Variants in SCML4 observed in about 807,000 individuals in gnomAD.
SCML4 encodes the protein Scm polycomb group protein like 4, also known as sex comb on midleg-like protein 4.
Under a neutral mutation model 41.1 loss-of-function variants are expected in SCML4, and 34 were observed. The ratio of observed to expected loss-of-function variants is 0.83; its 90% CI spans 0.63 to 1.10. SCML4 has a LOEUF of 1.10. SCML4 is among the 50% of genes least tolerant of loss of function. The pLI is 0.00. For synonymous variants in SCML4, 214 were observed against 220.9 expected (o/e 0.97, Z 0.28); for missense variants, 522 against 534.1 (o/e 0.98, Z 0.22).
chr6:107,761,505 C>T (rs1393287352), intron 2 of SCML4, among the ~76,000 whole-genome samples: 3 of 151,536 alleles, frequency 2.0e-5, no homozygotes, highest in East Asian at 1.9e-4. Flanking sequence ...GGCGCAATCT[C>T]GGCTTACTGC....
At chr6:107,733,272 G>A (rs1038822396) in intron 5 of SCML4, among the ~76,000 whole-genome samples, 6 of 152,182 alleles carry the variant, frequency 3.9e-5, no homozygotes, top group African/African-American at 1.4e-4. Flanking sequence ...AAGAAAGGAA[G>A]CCGTTTCATT....
chr6:107,826,970 G>A (rs1005667643), upstream of SCML4, among the ~76,000 whole-genome samples: 7 of 152,034 alleles, frequency 4.6e-5, no homozygotes, highest in Non-Finnish European at 1.0e-4. Context: ...GGCTGAGGCA[G>A]GAGAATGGTG....
At chr6:107,831,763 G>A in the SCML4 span, among the ~76,000 whole-genome samples, 42 of 152,010 alleles carry the variant, frequency 2.8e-4, no homozygotes, top group Non-Finnish European at 4.7e-4. Context: ...ACTAAAAATA[G>A]AAAAATTAGT....
intron 5 of SCML4, among the ~76,000 whole-genome samples, chr6:107,721,747 G>A (rs1775441329): frequency 6.6e-6 from 1 of 152,086 alleles, no homozygotes; most frequent in Admixed American, 6.5e-5. Context: ...TGGCCCAGGT[G>A]CCACAGTGCT....
chr6:107,831,411 C>CAAA, the SCML4 span, among the ~76,000 whole-genome samples: 145 of 107,320 alleles, frequency 1.4e-3, 2 homozygotes, highest in East Asian at 3.3e-3. Flanking sequence ...TTTTCATTCT[C>CAAA]AAAAAAAAAA....
At position 107,772,248 on chromosome 6, in the gene SCML4, T is replaced by C. The variant is rs1461019609; in HGVS notation, c.80A>G (p.Asn27Ser). ...AGAGCCAGCTGAAGCAGAATAAAGG[T>C]TATGAACTGCCATCTTCATAGGCGT... ...HSTPMKMAVH[N>S]LYSASAGSLP... Residue 27 changes from asparagine to serine, a missense_variant, in exon 2 of 8, where the codon AAC becomes AGC. Transcript: ENST00000369020. 1.9e-6 allele frequency: 3 copies of C among 1,551,570 alleles called. No homozygotes were observed. The highest frequency in any genetic ancestry group is 1.7e-4 in the Middle Eastern group (1 of 6,006).
chr6:107,788,472 T>C (rs147115258), intron 1 of SCML4, among the ~76,000 whole-genome samples: 1 of 152,380 alleles, frequency 6.6e-6, no homozygotes, highest in African/African-American at 2.4e-5. Context: ...AGAAACTCTA[T>C]TTCCAACCAT....
chr6:107,806,548 T>C (rs1421621907), intron 1 of SCML4, among the ~76,000 whole-genome samples: 1 of 152,226 alleles, frequency 6.6e-6, no homozygotes, highest in Non-Finnish European at 1.5e-5. Flanking sequence ...TCCTTAATGC[T>C]GGCCTCTGGT....
chr6:107,776,002 T>C (rs1780913254), intron 1 of SCML4, among the ~76,000 whole-genome samples: 1 of 151,972 alleles, frequency 6.6e-6, no homozygotes, highest in African/African-American at 2.4e-5. Context: ...TTTTTAGAAA[T>C]TCCCAACACT....
At chr6:107,839,364 AGAAGG>A in the SCML4 span, among the ~76,000 whole-genome samples, 1 of 60,102 alleles carries the variant, frequency 1.7e-5, no homozygotes, top group South Asian at 5.3e-4. Context: ...AAAGAAAGAA[AGAAGG>A]AAAGAAAGAA....
chr6:107,810,884 T>C (rs1427525115), intron 1 of SCML4, among the ~76,000 whole-genome samples: 1 of 152,084 alleles, frequency 6.6e-6, no homozygotes, highest in Non-Finnish European at 1.5e-5. Flanking sequence ...CAAGCAATCA[T>C]CCCACCTCAT....
At chr6:107,766,332 T>C (rs1780035927) in intron 2 of SCML4, among the ~76,000 whole-genome samples, 1 of 142,812 alleles carries the variant, frequency 7.0e-6, no homozygotes, top group Non-Finnish European at 1.5e-5. Context: ...ATTGCGCCAC[T>C]ACAGTCCAGC....
intron 2 of SCML4, among the ~76,000 whole-genome samples, chr6:107,757,014 C>G (rs1320272899): frequency 1.3e-5 from 2 of 152,178 alleles, no homozygotes; most frequent in Non-Finnish European, 2.9e-5. Flanking sequence ...GTGTGGCGAC[C>G]CCTCATCCAA....
At chr6:107,726,363 C>T (rs1775970796) in intron 5 of SCML4, among the ~76,000 whole-genome samples, 1 of 151,534 alleles carries the variant, frequency 6.6e-6, no homozygotes, top group Non-Finnish European at 1.5e-5. Context: ...GAAACCCCAT[C>T]TCTACTAAAA....
rs1020177951 is a variant in SCML4 at position 107,717,316 on chromosome 6, C to T, written c.973+3387G>A. On this transcript the variant is annotated intron_variant, in intron 6 of 7. Transcript: ENST00000369020. ...AAAAAAAAAAAAAAAAAGGAATCTT[C>T]GGAGAATTAAAGTGTTAACAGACCT... Among the ~76,000 whole-genome samples, 8 of 146,188 alleles carry T rather than the reference C, an allele frequency of 5.5e-5. No homozygotes were observed. In the South Asian group the frequency reaches 1.1e-3, roughly 20 times the overall value.
chr6:107,802,567 CGAGG>C (rs1360884805), intron 1 of SCML4, among the ~76,000 whole-genome samples: 13,297 of 81,882 alleles, frequency 0.16, 2,436 homozygotes, highest in Middle Eastern at 0.24. Context: ...AGCATTGGCT[CGAGG>C]GAGGGAGGGA....
chr6:107,724,354 G>A (rs1168235554), intron 5 of SCML4, among the ~76,000 whole-genome samples: 1 of 152,160 alleles, frequency 6.6e-6, no homozygotes, highest in Non-Finnish European at 1.5e-5. Flanking sequence ...TAGGAAGGAA[G>A]AAGTACAACT....
chr6:107,831,411 C>CAAAAAA, the SCML4 span, among the ~76,000 whole-genome samples: 179 of 107,466 alleles, frequency 1.7e-3, no homozygotes, highest in East Asian at 6.6e-3. Context: ...TTTTCATTCT[C>CAAAAAA]AAAAAAAAAA....
intron 2 of SCML4, among the ~76,000 whole-genome samples, chr6:107,769,643 T>C (rs576833002): frequency 1.3e-5 from 2 of 152,334 alleles, no homozygotes; most frequent in South Asian, 2.1e-4. Context: ...TTAACATCAA[T>C]ATATCATTAT....
Sources: gnomAD v4.1 joint callset for allele counts (sites outside exome capture counted in the v4.1 genomes callset) on GRCh38, gnomAD v4.1.1 for gene constraint, MANE v1.5 for transcripts, NCBI Gene and HGNC (gene_info 2026-07-23, HGNC 2026-07-21) for gene names.